Variants in PTPRM observed in about 807,000 individuals in gnomAD.
PTPRM encodes the protein protein tyrosine phosphatase receptor type M.
In PTPRM, 47 loss-of-function variants were observed where a neutral mutation model predicts 186.7. The ratio of observed to expected loss-of-function variants is 0.25; its 90% confidence interval spans 0.20 to 0.32. PTPRM has a LOEUF of 0.32. Ranked by LOEUF, PTPRM falls within the 10% of genes least tolerant of loss-of-function variation. PTPRM has a pLI of 1.00. For missense variants in PTPRM, 1,494 were observed against 1,865.0 expected (o/e 0.80, Z 3.66); for synonymous variants, 668 against 674.9 (o/e 0.99, Z 0.16).
At chr18:7,699,598 C>T (rs1012914396) in intron 1 of PTPRM, among the ~76,000 whole-genome samples, 5 of 152,002 alleles carry the variant, frequency 3.3e-5, no homozygotes, top group African/African-American at 1.2e-4. Flanking sequence ...CTAGTAGAGA[C>T]GGGGCTTCAC....
intron 1 of PTPRM, among the ~76,000 whole-genome samples, chr18:7,598,150 T>G (rs772302963): frequency 2.0e-5 from 3 of 152,236 alleles, no homozygotes; most frequent in Non-Finnish European, 4.4e-5. Context: ...AAAATTCTTT[T>G]TATCTTAATC....
chr18:8,371,999 G>A (rs1598478307), intron 24 of PTPRM, among the ~76,000 whole-genome samples: 1 of 150,662 alleles, frequency 6.6e-6, no homozygotes, highest in East Asian at 2.0e-4. Context: ...TGGAAGACCT[G>A]GGTTATAGGC....
chr18:8,189,097 G>C (rs570021031), intron 14 of PTPRM, among the ~76,000 whole-genome samples: 1 of 152,162 alleles, frequency 6.6e-6, no homozygotes, highest in African/African-American at 2.4e-5. Flanking sequence ...CCTGAGCCCA[G>C]AATTCATAGC....
Position 7,623,747 on chromosome 18 carries a change from G to A in PTPRM, c.73+55856G>A, listed in dbSNP as rs559323620. Reference sequence around the variant, plus strand: ...TATTAAAAATAACTCTTATTCACAAGCTCCTCCCATGTGACAGGTGTTTGA... The same window carrying A: ...TATTAAAAATAACTCTTATTCACAAACTCCTCCCATGTGACAGGTGTTTGA... On this transcript the variant is annotated intron_variant, in intron 1 of 32. Transcript: ENST00000580170. 3.3e-5 allele frequency among the ~76,000 whole-genome samples: 5 copies of A among 152,178 alleles called. No individual in the cohort carries two copies. In the South Asian group the frequency reaches 1.0e-3, roughly 32 times the overall value.
intron 19 of PTPRM, among the ~76,000 whole-genome samples, chr18:8,271,497 T>C (rs931736946): frequency 5.3e-5 from 8 of 152,016 alleles, no homozygotes; most frequent in Admixed American, 5.2e-4. Context: ...CATATTGTGA[T>C]TTTAGAATTA....
intron 7 of PTPRM, among the ~76,000 whole-genome samples, chr18:8,013,150 C>A (rs1348759478): frequency 1.3e-5 from 2 of 152,088 alleles, no homozygotes; most frequent in Non-Finnish European, 2.9e-5. Context: ...AGCATAAAAA[C>A]CTTCAAAAAG....
At chr18:8,173,747 A>G (rs561790638) in intron 14 of PTPRM, among the ~76,000 whole-genome samples, 2 of 152,272 alleles carry the variant, frequency 1.3e-5, no homozygotes, top group East Asian at 3.9e-4. Flanking sequence ...GTTGCCAGCA[A>G]TGCAAAAACT....
intron 13 of PTPRM, among the ~76,000 whole-genome samples, chr18:8,138,988 C>T (rs149024377): frequency 1.0e-3 from 153 of 152,280 alleles, no homozygotes; most frequent in African/African-American, 3.6e-3. Context: ...CCCTTGTTCA[C>T]TTCCTAAGTG....
At chr18:8,170,220 C>G (rs932246590) in intron 14 of PTPRM, among the ~76,000 whole-genome samples, 1 of 152,120 alleles carries the variant, frequency 6.6e-6, no homozygotes, top group Non-Finnish European at 1.5e-5. Context: ...TTGAGGATAT[C>G]TGTATTTTTC....
intron 8 of PTPRM, among the ~76,000 whole-genome samples, chr18:8,071,734 C>A (rs76001697): frequency 6.6e-6 from 1 of 152,188 alleles, no homozygotes; most frequent in African/African-American, 2.4e-5. Flanking sequence ...CTCTCCTGGC[C>A]GCTTCTCAAG....
chr18:7,965,033 C>CTTTT (rs569596603), intron 7 of PTPRM, among the ~76,000 whole-genome samples: 1 of 120,232 alleles, frequency 8.3e-6, no homozygotes, highest in Admixed American at 8.6e-5. Context: ...CACTCTAACA[C>CTTTT]TTTTTTTTTT....
At chr18:8,106,934 G>T (rs542476916) in intron 11 of PTPRM, among the ~76,000 whole-genome samples, 9 of 152,214 alleles carry the variant, frequency 5.9e-5, no homozygotes, top group African/African-American at 1.9e-4. Context: ...AGCCCATCTG[G>T]CCCAAAGCAC....
chr18:8,147,631 T>G (rs753730675), intron 14 of PTPRM, among the ~76,000 whole-genome samples: 1 of 118,620 alleles, frequency 8.4e-6, no homozygotes, highest in Non-Finnish European at 2.0e-5. Context: ...TTGAATACCC[T>G]TTATTTCTTT....
At chr18:7,703,447 G>T (rs977510060) in intron 1 of PTPRM, among the ~76,000 whole-genome samples, 7 of 152,166 alleles carry the variant, frequency 4.6e-5, no homozygotes, top group Non-Finnish European at 8.8e-5. Flanking sequence ...GTGAATGTGA[G>T]TTCACTCATG....
intron 13 of PTPRM, among the ~76,000 whole-genome samples, chr18:8,123,226 A>T (rs1300351193): frequency 6.6e-6 from 1 of 152,220 alleles, no homozygotes; most frequent in Non-Finnish European, 1.5e-5. Context: ...TGGTTTCAGA[A>T]GCACCTGCTT....
At chr18:7,819,110 A>G (rs186113742) in intron 2 of PTPRM, among the ~76,000 whole-genome samples, 6 of 152,332 alleles carry the variant, frequency 3.9e-5, no homozygotes, top group East Asian at 1.9e-4. Context: ...TCTTACTTCT[A>G]TGGTGTTATT....
chr18:7,885,738 T>G (rs1414058275), intron 2 of PTPRM, among the ~76,000 whole-genome samples: 1 of 152,162 alleles, frequency 6.6e-6, no homozygotes, highest in African/African-American at 2.4e-5. Flanking sequence ...CACCTGGATC[T>G]CAACATAAAA....
In PTPRM at chr18:7,858,176, A is replaced by G. The variant is rs143627844; in HGVS notation, c.197-29930A>G. 1.6e-3 allele frequency among the ~76,000 whole-genome samples: 240 copies of G among 152,344 alleles called. 2 individuals carry two copies. Among genetic ancestry groups the G allele is most frequent in the African/African-American group, 5.5e-3 (230 of 41,576 alleles). On this transcript the variant is annotated intron_variant, in intron 2 of 32. Coordinates refer to ENST00000580170, the MANE Select transcript of PTPRM (RefSeq NM_001105244.2). ...AAAGGTGACGTACAAGGAAGTTCACATTTTGAAAGAGTACAAGATTACTTC... is the reference window on the plus strand; with the variant it reads ...AAAGGTGACGTACAAGGAAGTTCACGTTTTGAAAGAGTACAAGATTACTTC...
chr18:8,121,100 G>A (rs2092155493), intron 13 of PTPRM, among the ~76,000 whole-genome samples: 1 of 152,182 alleles, frequency 6.6e-6, no homozygotes, highest in Non-Finnish European at 1.5e-5. Flanking sequence ...CAAACTGTTA[G>A]TTTGTTAATC....
Sources: allele counts gnomAD v4.1 joint callset (sites outside exome capture counted in the v4.1 genomes callset), GRCh38; gene constraint gnomAD v4.1.1; transcripts MANE v1.5; gene names NCBI Gene and HGNC (gene_info 2026-07-23, HGNC 2026-07-21).